RARB: variants seen among roughly 807,000 people sequenced by gnomAD.
RARB encodes HBV-activated protein.
In RARB, 17 loss-of-function variants were observed where a neutral mutation model predicts 51.9. The ratio of observed to expected loss-of-function variants is 0.33; its 90% CI spans 0.22 to 0.49. The LOEUF (loss-of-function observed/expected upper bound fraction) is 0.49, where lower values mean the gene tolerates loss of function less well. Among genes scored for constraint, RARB ranks in the 20% least tolerant of loss-of-function variants. The probability of loss-of-function intolerance (pLI) is 0.99; values close to 1 mark genes in which losing one functional copy is unlikely to be tolerated. For synonymous variants in RARB, 215 were observed against 195.4 expected (o/e 1.10, Z -0.84); for missense variants, 369 against 550.8 (o/e 0.67, Z 3.30).
intron 1 of RARB, among the ~76,000 whole-genome samples, chr3:24,858,086 C>T (rs1464964229): frequency 1.3e-5 from 2 of 152,174 alleles, no homozygotes; most frequent in Non-Finnish European, 2.9e-5. Context: ...TAAGACTTTG[C>T]TTTCTTAAAA....
At chr3:25,361,701 T>C (rs1705940639) in intron 5 of RARB, among the ~76,000 whole-genome samples, 1 of 152,222 alleles carries the variant, frequency 6.6e-6, no homozygotes, top group African/African-American at 2.4e-5. Context: ...GTGCTATTGC[T>C]TTCTGTTTGT....
intron 1 of RARB, among the ~76,000 whole-genome samples, chr3:25,432,744 G>T (rs1004552130): frequency 6.6e-6 from 1 of 152,134 alleles, no homozygotes; most frequent in Admixed American, 6.6e-5. Flanking sequence ...CTCTATCTGA[G>T]AAGGGAAATA....
At chr3:25,469,680 C>T (rs1695598217) in intron 2 of RARB, among the ~76,000 whole-genome samples, 1 of 152,192 alleles carries the variant, frequency 6.6e-6, no homozygotes, top group African/African-American at 2.4e-5. Flanking sequence ...AAGTGCCTTC[C>T]ATGAGACAGC....
intron 2 of RARB, among the ~76,000 whole-genome samples, chr3:25,044,606 TAATA>T (rs1313382916): frequency 6.6e-6 from 1 of 152,222 alleles, no homozygotes; most frequent in Non-Finnish European, 1.5e-5. Context: ...GCCTGGCTTA[TAATA>T]AATACTTGAA....
At chr3:24,920,899 G>C (rs1219964986) in intron 2 of RARB, among the ~76,000 whole-genome samples, 6 of 152,138 alleles carry the variant, frequency 3.9e-5, no homozygotes, top group Non-Finnish European at 5.9e-5. Context: ...GATATGATTT[G>C]AGTGTCAAGT....
chr3:25,202,357 C>G (rs1701416109), intron 5 of RARB, among the ~76,000 whole-genome samples: 1 of 151,796 alleles, frequency 6.6e-6, no homozygotes, highest in Non-Finnish European at 1.5e-5. Context: ...AGTGGTCTAT[C>G]CATTTTGTTG....
chr3:25,035,582 A>C (rs544675802), intron 2 of RARB, among the ~76,000 whole-genome samples: 1 of 152,274 alleles, frequency 6.6e-6, no homozygotes, highest in East Asian at 1.9e-4. Flanking sequence ...TTAGAACTTG[A>C]GAGCCCAAAC....
chr3:25,348,888 T>G (rs762916429), intron 5 of RARB, among the ~76,000 whole-genome samples: 13 of 152,184 alleles, frequency 8.5e-5, no homozygotes, highest in Non-Finnish European at 1.3e-4. Flanking sequence ...CTGATGAGTT[T>G]CCATATGAAG....
intron 5 of RARB, among the ~76,000 whole-genome samples, chr3:25,307,307 A>C (rs1318186433): frequency 6.6e-6 from 1 of 151,976 alleles, no homozygotes; most frequent in Admixed American, 6.6e-5. Context: ...GAATCGCTTG[A>C]ACCTAGGAGG....
chr3:24,912,886 A>G (rs1695019518), intron 2 of RARB, among the ~76,000 whole-genome samples: 1 of 151,914 alleles, frequency 6.6e-6, no homozygotes, highest in African/African-American at 2.4e-5. Context: ...ATTGAAAGAC[A>G]GGAAAATTAT....
intron 5 of RARB, among the ~76,000 whole-genome samples, chr3:25,338,719 T>C (rs1226513787): frequency 6.6e-6 from 1 of 152,208 alleles, no homozygotes; most frequent in Non-Finnish European, 1.5e-5. Context: ...CATTCACTTA[T>C]CTATTTAATT....
chr3:24,998,381 T>C, intron 2 of RARB, among the ~76,000 whole-genome samples: 1 of 152,214 alleles, frequency 6.6e-6, no homozygotes, highest in African/African-American at 2.4e-5. Context: ...TGGAACTTAG[T>C]TGCATATGAT....
chr3:25,524,872 G>C (rs1166825603), intron 3 of RARB, among the ~76,000 whole-genome samples: 1 of 151,932 alleles, frequency 6.6e-6, no homozygotes, highest in Non-Finnish European at 1.5e-5. Context: ...TGAGATTACA[G>C]GTGCTCACCA....
chr3:25,563,552 G>A (rs559479885), intron 3 of RARB, among the ~76,000 whole-genome samples: 5 of 152,288 alleles, frequency 3.3e-5, no homozygotes, highest in South Asian at 4.1e-4. Flanking sequence ...ACAGTGGGAC[G>A]TGCTATGTTA....
Position 25,477,728 on chromosome 3 carries a change from A to T in RARB, c.306+16387A>T, listed in dbSNP as rs78743060. Among the ~76,000 whole-genome samples, 150 of 152,302 alleles carry T rather than the reference A, an allele frequency of 9.8e-4. 4 individuals are homozygous for T. In the East Asian group the frequency reaches 0.023, roughly 23 times the overall value. ...ATATGGTTAAAATGACCCTTAAATC[A>T]CCCAAGACGTGTCCCAGTTACCATT... On this transcript the variant is annotated intron_variant, in intron 2 of 7. Transcript: ENST00000330688.
intron 4 of RARB, among the ~76,000 whole-genome samples, chr3:25,168,607 CAAG>C (rs1200770307): frequency 6.6e-6 from 1 of 151,712 alleles, no homozygotes; most frequent in Non-Finnish European, 1.5e-5. Context: ...TAAGAAAAGA[CAAG>C]AAAAACTTTT....
At chr3:24,924,715 G>GTATTT (rs1695281808) in intron 2 of RARB, among the ~76,000 whole-genome samples, 1 of 152,092 alleles carries the variant, frequency 6.6e-6, no homozygotes, top group Non-Finnish European at 1.5e-5. Context: ...TCTCAATCCT[G>GTATTT]TATTTTGGGA....
chr3:25,564,677 C>T (rs989865320), intron 3 of RARB, among the ~76,000 whole-genome samples: 15 of 152,092 alleles, frequency 9.9e-5, no homozygotes, highest in Non-Finnish European at 2.1e-4. Flanking sequence ...TGTATTAAGC[C>T]CTGGGGACAT....
chr3:25,284,167 C>T (rs905729187), intron 5 of RARB, among the ~76,000 whole-genome samples: 7 of 152,148 alleles, frequency 4.6e-5, no homozygotes, highest in Non-Finnish European at 8.8e-5. Context: ...GGAACTAAGA[C>T]CCTCCATCTA....
Sources: gnomAD v4.1 joint callset for allele counts (sites outside exome capture counted in the v4.1 genomes callset) on GRCh38, gnomAD v4.1.1 for gene constraint, MANE v1.5 for transcripts, NCBI Gene and HGNC (gene_info 2026-07-23, HGNC 2026-07-21) for gene names.